Variants in NCK1 observed in about 807,000 individuals in gnomAD.
NCK1 encodes the protein SH2/SH3 adapter protein NCK1.
In NCK1, 19 loss-of-function variants were observed where a neutral mutation model predicts 36.6. That is an observed-to-expected ratio of 0.52 (90% CI 0.36 to 0.76). The LOEUF (loss-of-function observed/expected upper bound fraction) is 0.76. NCK1 is among the 30% of genes least tolerant of loss of function. The pLI, the probability that NCK1 is intolerant of heterozygous loss-of-function variation, is 0.00. For missense variants in NCK1, 358 were observed against 445.6 expected (o/e 0.80, Z 1.77); for synonymous variants, 165 against 156.0 (o/e 1.06, Z -0.43).
At chr3:136,905,767 G>GCTTCT (rs1939668208) in intron 1 of NCK1, among the ~76,000 whole-genome samples, 11 of 151,958 alleles carry the variant, frequency 7.2e-5, no homozygotes, top group African/African-American at 2.7e-4. Flanking sequence ...TGGGACTACA[G>GCTTCT]GTGCATGCCA....
intron 1 of NCK1, among the ~76,000 whole-genome samples, chr3:136,883,260 C>G (rs1016120741): frequency 2.6e-5 from 4 of 152,180 alleles, no homozygotes; most frequent in African/African-American, 7.2e-5. Context: ...GCCTGTGTCT[C>G]TCCCAACCTC....
At position 136,882,808 on chromosome 3, in the gene NCK1, G is replaced by A. The variant is rs530718951; in HGVS notation, c.-19+20455G>A. On this transcript the variant is annotated intron_variant, in intron 1 of 3. Coordinates refer to ENST00000481752, the MANE Select transcript of NCK1 (RefSeq NM_001291999.2). ...TGTGATCTTATCTAATTGCAGGGGT[G>A]GCTGGGAAGTGTAGTATAGCAGTGT... Among the ~76,000 whole-genome samples, 44 of 152,302 alleles carry A rather than the reference G, an allele frequency of 2.9e-4. No individual in the cohort carries two copies. In the South Asian group the frequency reaches 8.5e-3, roughly 29 times the overall value.
intron 1 of NCK1, among the ~76,000 whole-genome samples, chr3:136,893,838 C>T (rs192818365): frequency 3.3e-5 from 5 of 152,298 alleles, no homozygotes; most frequent in Non-Finnish European, 7.4e-5. Context: ...GCAGGAATTA[C>T]TATTCATCAT....
At chr3:136,889,605 G>C (rs1039147338) in intron 1 of NCK1, among the ~76,000 whole-genome samples, 2 of 152,096 alleles carry the variant, frequency 1.3e-5, no homozygotes, top group African/African-American at 4.8e-5. Context: ...CCACCCACAT[G>C]CTGCTGATTG....
At chr3:136,944,045 A>G (rs535265661) in intron 2 of NCK1, among the ~76,000 whole-genome samples, 1 of 152,050 alleles carries the variant, frequency 6.6e-6, no homozygotes, top group Admixed American at 6.5e-5. Context: ...TGTTGGAGAC[A>G]AAGGATCAGA....
At chr3:136,905,984 AT>A (rs60491982) in intron 1 of NCK1, among the ~76,000 whole-genome samples, 95,222 of 151,830 alleles carry the variant, frequency 0.63, 30,153 homozygotes, top group East Asian at 0.87. Context: ...GCGGTGTCAT[AT>A]TTCCTTGCTT....
chr3:136,896,806 TC>T (rs1939404299), intron 1 of NCK1, among the ~76,000 whole-genome samples: 1 of 152,214 alleles, frequency 6.6e-6, no homozygotes, highest in East Asian at 1.9e-4. Context: ...GCCCCATACA[TC>T]TGTTGATGAA....
At chr3:136,948,154 C>T (rs940536035) in intron 3 of NCK1, 105 bp from the exon 4 acceptor site, 7 of 830,934 alleles carry the variant, frequency 8.4e-6, no homozygotes, top group Non-Finnish European at 1.3e-5. Flanking sequence ...ACCATGGTGC[C>T]TAGGACTTAG....
intron 1 of NCK1, among the ~76,000 whole-genome samples, chr3:136,881,971 A>AGT (rs746572239): frequency 2.0e-5 from 3 of 152,336 alleles, no homozygotes; most frequent in Non-Finnish European, 4.4e-5. Context: ...TGTTAAGAAT[A>AGT]GTGTTTCCAT....
chr3:136,882,624 A>T (rs1179808807), intron 1 of NCK1, among the ~76,000 whole-genome samples: 1 of 150,856 alleles, frequency 6.6e-6, no homozygotes, highest in Non-Finnish European at 1.5e-5. Context: ...AGTCACTTGG[A>T]GCACAGGCAC....
chr3:136,927,156 G>C (rs1940263239), intron 1 of NCK1, among the ~76,000 whole-genome samples: 3 of 152,150 alleles, frequency 2.0e-5, no homozygotes, highest in Admixed American at 2.0e-4. Flanking sequence ...ATTTTTAGTA[G>C]AGATGGGGTT....
chr3:136,899,393 C>A, intron 1 of NCK1: 1 of 243,774 alleles, frequency 4.1e-6, no homozygotes, highest in Non-Finnish European at 8.4e-6. Context: ...TTCTTTTCTA[C>A]TGGGGATTTT....
intron 1 of NCK1, among the ~76,000 whole-genome samples, chr3:136,863,677 C>T (rs1467091198): frequency 6.6e-6 from 1 of 152,186 alleles, no homozygotes; most frequent in African/African-American, 2.4e-5. Flanking sequence ...CACATCTACT[C>T]AGCTGTTGGC....
intron 1 of NCK1, among the ~76,000 whole-genome samples, chr3:136,900,230 TTAATA>T (rs903221779): frequency 3.3e-5 from 5 of 152,230 alleles, no homozygotes; most frequent in Admixed American, 1.3e-4. Flanking sequence ...TTGTTGTTGT[TTAATA>T]TAATCAGTTG....
At chr3:136,874,778 G>GTGGAAGAC (rs2108071630) in intron 1 of NCK1, among the ~76,000 whole-genome samples, 1 of 147,966 alleles carries the variant, frequency 6.8e-6, no homozygotes, top group Non-Finnish European at 1.5e-5. Flanking sequence ...ATAGATTCCT[G>GTGGAAGAC]TGGAAGACTG....
intron 1 of NCK1, among the ~76,000 whole-genome samples, chr3:136,863,807 C>T (rs1938320945): frequency 6.6e-6 from 1 of 151,476 alleles, no homozygotes; most frequent in East Asian, 2.0e-4. Flanking sequence ...ATGTTTTGTT[C>T]GATACTGAGG....
At chr3:136,928,960 A>G (rs1336066398) in intron 2 of NCK1, among the ~76,000 whole-genome samples, 2 of 151,896 alleles carry the variant, frequency 1.3e-5, no homozygotes, top group Non-Finnish European at 2.9e-5. Context: ...CAAACATGCT[A>G]TTTGCGTAAT....
intron 2 of NCK1, among the ~76,000 whole-genome samples, chr3:136,944,112 C>CTTTTTTT (rs72327296): frequency 2.3e-5 from 1 of 43,782 alleles, no homozygotes; most frequent in Non-Finnish European, 4.6e-5. Context: ...GAAAAACAAC[C>CTTTTTTT]TTTTTTTTTT....
At position 136,928,038 on chromosome 3, in the gene NCK1, T is replaced by A; in HGVS notation, c.37T>A (p.Tyr13Asn). 1.2e-6 allele frequency: 2 copies of A among 1,614,096 alleles called. No individual in the cohort carries two copies. Among genetic ancestry groups the A allele is most frequent in the Non-Finnish European group, 1.7e-6 (2 of 1,179,988 alleles). Reference protein sequence around the residue: ...EEVVVVAKFDYVAQQEQELDI... With the variant: ...EEVVVVAKFDNVAQQEQELDI... ...AGTGGTGGTAGTAGCCAAATTTGAT[T>A]ATGTGGCCCAACAAGAACAAGAGTT... The change falls in exon 2 of 4, where the codon TAT (tyrosine) becomes AAT (asparagine). Residue 13 changes from tyrosine to asparagine, a missense_variant. Around this residue, in one of 3 missense-constraint regions of NCK1, gnomAD observed 143 missense variants for 162.4 expected, o/e 0.88. Coordinates refer to ENST00000481752, the MANE Select transcript of NCK1 (RefSeq NM_001291999.2).
Sources: allele counts gnomAD v4.1 joint callset (sites outside exome capture counted in the v4.1 genomes callset), GRCh38; gene constraint gnomAD v4.1.1; regional missense constraint gnomAD v4.1.1; transcripts MANE v1.5; gene names NCBI Gene and HGNC (gene_info 2026-07-23, HGNC 2026-07-21).